DEAF1: variants seen among roughly 807,000 people sequenced by gnomAD.
DEAF1 encodes the protein deformed epidermal autoregulatory factor 1 homolog.
A neutral mutation model predicts 58.9 loss-of-function variants in DEAF1; 53 were observed. The ratio of observed to expected loss-of-function variants is 0.90; its 90% CI spans 0.72 to 1.13. DEAF1 has a LOEUF of 1.13. DEAF1 is among the 50% of genes most tolerant of loss of function. The pLI, the probability that DEAF1 is intolerant of heterozygous loss-of-function variation, is 0.00. For missense variants in DEAF1, 685 were observed against 791.4 expected, an observed-to-expected ratio of 0.87 and a Z score of 1.61; for synonymous variants, 385 against 340.4, an observed-to-expected ratio of 1.13 and a Z score of -1.44.
intron 11 of DEAF1, among the ~76,000 whole-genome samples, chr11:645,933 G>A (rs1328519604): frequency 6.6e-6 from 1 of 152,148 alleles, no homozygotes; most frequent in Non-Finnish European, 1.5e-5. Flanking sequence ...TCCCTAGAGA[G>A]CAGAATTCCA....
intron 10 of DEAF1, among the ~76,000 whole-genome samples, chr11:667,122 C>G (rs761309785): frequency 1.3e-5 from 2 of 151,806 alleles, no homozygotes; most frequent in Non-Finnish European, 2.9e-5. Context: ...ATCGCTTGAG[C>G]CAAGGAGTTT....
upstream of DEAF1, among the ~76,000 whole-genome samples, chr11:696,115 G>A (rs1861141524): frequency 6.6e-6 from 1 of 152,194 alleles, no homozygotes; most frequent in African/African-American, 2.4e-5. Flanking sequence ...CCAGTCCCCG[G>A]CAGCTCTTGT....
intron 10 of DEAF1, among the ~76,000 whole-genome samples, chr11:658,426 C>G (rs1196289392): frequency 1.3e-5 from 2 of 152,188 alleles, no homozygotes; most frequent in African/African-American, 4.8e-5. Flanking sequence ...TAGACTCTGT[C>G]TCAAAAACAA....
At position 678,719 on chromosome 11, in the gene DEAF1, C is replaced by A. The variant is rs140525006; in HGVS notation, c.1230G>T (p.Ala410=). 6.2e-7 allele frequency: 1 copy of A among 1,614,038 alleles called. No homozygotes were observed. The highest frequency in any genetic ancestry group is 2.2e-5 in the East Asian group (1 of 44,894). Residue 410 remains alanine (A), a synonymous_variant, in exon 9 of 12, where the codon GCG becomes GCT. Coordinates refer to ENST00000382409, the MANE Select transcript of DEAF1 (RefSeq NM_021008.4). The part of the protein sequence containing the change: ...SCQIAPFPEA[A]LPTSHPKIVL... The stretch of plus-strand genomic sequence containing the variant: ...CTATTTTGGGATGTGACGTTGGCAA[C>A]GCAGCTTCTGGAAACGGTGCGATCT...
At chr11:662,104 C>A (rs1311710281) in intron 10 of DEAF1, among the ~76,000 whole-genome samples, 1 of 152,174 alleles carries the variant, frequency 6.6e-6, no homozygotes, top group Non-Finnish European at 1.5e-5. Context: ...CAAGACCAGC[C>A]TGGCCAACAT....
chr11:673,148 C>CA (rs1181322787), intron 10 of DEAF1, among the ~76,000 whole-genome samples: 38 of 147,828 alleles, frequency 2.6e-4, no homozygotes, highest in Non-Finnish European at 4.8e-4. Context: ...GACTCCGTCT[C>CA]AAAAAATAAA....
chr11:702,904 C>T (rs769736959), intron 1 of DEAF1: 87 of 1,544,904 alleles, frequency 5.6e-5, no homozygotes, highest in Non-Finnish European at 6.7e-5. Context: ...CTCCAGGGAG[C>T]GCCTCGCACC....
chr11:660,617 C>T (rs887135501), intron 10 of DEAF1, among the ~76,000 whole-genome samples: 1 of 152,228 alleles, frequency 6.6e-6, no homozygotes, highest in African/African-American at 2.4e-5. Context: ...GGGCTGCTCC[C>T]GAGTATCCCA....
At chr11:653,904 G>A (rs937840918) in intron 11 of DEAF1, 58 bp downstream of exon 11, 32 of 1,512,074 alleles carry the variant, frequency 2.1e-5, no homozygotes, top group African/African-American at 1.9e-4. Context: ...GGCCACCCAG[G>A]GGTCTTCGTA....
intron 10 of DEAF1, among the ~76,000 whole-genome samples, chr11:659,771 G>A (rs756934682): frequency 5.9e-5 from 9 of 152,180 alleles, no homozygotes; most frequent in East Asian, 1.9e-4. Context: ...TGAAGCAGCC[G>A]CCTAATTCCA....
chr11:680,069 A>G, intron 7 of DEAF1: 1 of 559,766 alleles, frequency 1.8e-6, no homozygotes, highest in Non-Finnish European at 3.2e-6. Context: ...GAACCATGGA[A>G]ATGTGCTGCC....
intron 11 of DEAF1, chr11:651,444 A>G: frequency 3.1e-6 from 1 of 324,484 alleles, no homozygotes; most frequent in Non-Finnish European, 5.9e-6. Context: ...AATAAAAAAT[A>G]AAAAACTTAT....
chr11:653,413 G>C (rs940080748), intron 11 of DEAF1, among the ~76,000 whole-genome samples: 1 of 144,750 alleles, frequency 6.9e-6, no homozygotes, highest in African/African-American at 2.6e-5. Context: ...CTCAATAATA[G>C]AGGAACTGTG....
chr11:695,797 T>G, upstream of DEAF1: 1 of 1,235,368 alleles, frequency 8.1e-7, no homozygotes, highest in East Asian at 3.2e-5. Context: ...GCTGCCGGGA[T>G]CGCGACGGAC....
chr11:672,422 A>G (rs1198064580), intron 10 of DEAF1, among the ~76,000 whole-genome samples: 2 of 151,964 alleles, frequency 1.3e-5, no homozygotes, highest in Non-Finnish European at 2.9e-5. Flanking sequence ...GTGCTTGTCT[A>G]GTAGAATCCG....
At chr11:702,234 G>A (rs1300095437) in intron 1 of DEAF1, among the ~76,000 whole-genome samples, 1 of 152,252 alleles carries the variant, frequency 6.6e-6, no homozygotes, top group African/African-American at 2.4e-5. Context: ...CCGGCCGTCA[G>A]TGTCTTGTCT....
At chr11:676,499 C>T (rs957749037) in intron 9 of DEAF1, among the ~76,000 whole-genome samples, 2 of 151,294 alleles carry the variant, frequency 1.3e-5, no homozygotes, top group Non-Finnish European at 2.9e-5. Context: ...AGAATCAGCG[C>T]CGTGGACAAT....
At chr11:680,107 C>T (rs1860283356) in intron 7 of DEAF1, 8 of 468,676 alleles carry the variant, frequency 1.7e-5, no homozygotes, top group South Asian at 1.7e-4. Flanking sequence ...TAAAATAAAA[C>T]TTTCAGTGAT....
chr11:685,105 GAC>G (rs1860537261), intron 5 of DEAF1, 142 bp from the exon 6 acceptor site: 5 of 500,944 alleles, frequency 1.0e-5, no homozygotes, highest in Non-Finnish European at 1.6e-5. Context: ...TTTTTTTTGA[GAC>G]AGAGTCTTGT....
Sources: allele counts gnomAD v4.1 joint callset (sites outside exome capture counted in the v4.1 genomes callset), GRCh38; gene constraint gnomAD v4.1.1; transcripts MANE v1.5; gene names NCBI Gene and HGNC (gene_info 2026-07-23, HGNC 2026-07-21).